HIPK4: variants seen among roughly 807,000 people sequenced by gnomAD.
The protein encoded by HIPK4 is homeodomain interacting protein kinase 4.
A neutral mutation model predicts 44.8 loss-of-function variants in HIPK4; 26 were observed. The ratio of observed to expected loss-of-function variants is 0.58; its 90% CI spans 0.43 to 0.80. The LOEUF (loss-of-function observed/expected upper bound fraction) is 0.80. Among genes scored for constraint, HIPK4 ranks in the 30% least tolerant of loss-of-function variants. HIPK4 has a pLI of 0.00. For missense variants in HIPK4, 729 were observed against 862.6 expected (o/e 0.85, Z 1.94); for synonymous variants, 340 against 355.5 (o/e 0.96, Z 0.49).
At chr19:40,386,137 T>C (rs1374097387) in intron 1 of HIPK4, among the ~76,000 whole-genome samples, 2 of 152,190 alleles carry the variant, frequency 1.3e-5, no homozygotes, top group Non-Finnish European at 2.9e-5. Context: ...TGGTGTGATC[T>C]TGGCTCACTG....
chr19:40,380,289 C>T lies in HIPK4; in HGVS notation c.1668+34G>A, dbSNP rs2079325622. The T allele has an allele frequency of 2.5e-6, 4 of 1,598,788 alleles. No individual in the cohort carries two copies. The highest frequency in any genetic ancestry group is 3.4e-5 in the Admixed American group (2 of 59,452). On this transcript the variant is annotated intron_variant, in intron 3 of 3. Transcript: ENST00000291823. The surrounding 1 kb of genome is among the most constrained non-coding windows in gnomAD (Gnocchi z 4.2). ...GGTGAGTGTGTGCTGAGCCTCCTCC[C>T]ACCCTAATCGTATCCTGAACGCACC...
chr19:40,384,331 C>T (rs2079352943), intron 1 of HIPK4, among the ~76,000 whole-genome samples, 192 bp from the exon 2 acceptor site: 1 of 152,116 alleles, frequency 6.6e-6, no homozygotes, highest in East Asian at 1.9e-4. Context: ...GAGACAGAGT[C>T]TCACTCTTGT....
chr19:40,389,443 C>T lies in HIPK4; in HGVS notation c.460G>A (p.Val154Ile). ...CCTAGACGACCCCTACTCACCTTGA[C>T]CCTGAAGGGGCAGCGGGTCTGGTCC... is the stretch of plus-strand genomic sequence containing the variant. ...LVDQTRCPFRVKVIDFGSASI... is the reference protein window; with the variant it reads ...LVDQTRCPFRIKVIDFGSASI... Residue 154 changes from valine (V) to isoleucine (I), a missense_variant, in exon 1 of 4, where the codon GTC (valine) becomes ATC (isoleucine). By Grantham distance (29) the Val-to-Ile change is conservative. This residue lies in a region of HIPK4 where 196 missense variants were observed against 295.1 expected (regional missense o/e 0.66). Coordinates refer to ENST00000291823, the MANE Select transcript of HIPK4 (RefSeq NM_144685.5). This position sits in a 1 kb window ranked among gnomAD's most constrained non-coding sequence, Gnocchi z 4.6. The T allele has an allele frequency of 6.3e-7, 1 of 1,575,992 alleles. No homozygotes were observed. The highest frequency in any genetic ancestry group is 8.6e-7 in the Non-Finnish European group (1 of 1,157,458).
intron 1 of HIPK4, 69 bp from the exon 2 acceptor site, chr19:40,384,208 G>A (rs1180811176): frequency 1.1e-5 from 14 of 1,254,406 alleles, no homozygotes; most frequent in South Asian, 4.3e-5. Flanking sequence ...GGGCCACCCC[G>A]GCATCTTTCA....
In HIPK4 at chr19:40,380,470, C is replaced by T. The variant is rs2079328095; in HGVS notation, c.1521G>A (p.Leu507=). The change falls in exon 3 of 4, where the codon CTG becomes CTA. Residue 507 remains leucine (L), a synonymous_variant. Transcript: ENST00000291823. This position sits in a 1 kb window ranked among gnomAD's most constrained non-coding sequence, Gnocchi z 4.2. ...TGTCATCCTCAGGCGAGACCTGGCT[C>T]AGCCGAATGAGGTTGCTGAAGTTGG... is the stretch of plus-strand genomic sequence containing the variant. ...SDSNFSNLIR[L]SQVSPEDDRP... The T allele has an allele frequency of 1.2e-6, 2 of 1,613,516 alleles. No homozygotes were observed. The highest frequency in any genetic ancestry group is 1.3e-5 in the African/African-American group (1 of 74,938).
In HIPK4 at chr19:40,384,132, T is replaced by C; in HGVS notation, c.473A>G (p.Asp158Gly). Residue 158 changes from aspartate (D) to glycine (G), a missense_variant, in exon 2 of 4, where the codon GAC (aspartate) becomes GGC (glycine). Asp to Gly is a moderately conservative substitution (Grantham distance 94). Coordinates refer to ENST00000291823, the MANE Select transcript of HIPK4 (RefSeq NM_144685.5). ...GCTGAAAATGCTGGCGGATCCGAAGTCAATCACCTGTCGGGGGTGGGGAAG... is the reference window on the plus strand; with the variant it reads ...GCTGAAAATGCTGGCGGATCCGAAGCCAATCACCTGTCGGGGGTGGGGAAG... ...TRCPFRVKVI[D>G]FGSASIFSEV... 1 of 1,576,848 alleles carries C rather than the reference T, an allele frequency of 6.3e-7. No homozygotes were observed. Among genetic ancestry groups the C allele is most frequent in the Non-Finnish European group, 8.7e-7 (1 of 1,155,870 alleles).
At position 40,380,192 on chromosome 19, in the gene HIPK4, T is replaced by G; in HGVS notation, c.1668+131A>C. 1.6e-6 allele frequency: 2 copies of G among 1,222,102 alleles called. No individual in the cohort carries two copies. The highest frequency in any genetic ancestry group is 2.3e-6 in the Non-Finnish European group (2 of 874,094). The allele number at this position is 1,222,102 out of a possible 1,614,324, so 75.7% of individuals were successfully genotyped here. ...TTAGGTGTGTGCTGAGCCTCCTAAG[T>G]CCCTAATTGTATCCTGAACATGGGT... On this transcript the variant is annotated intron_variant, in intron 3 of 3. Coordinates refer to ENST00000291823, the MANE Select transcript of HIPK4 (RefSeq NM_144685.5). This position sits in a 1 kb window ranked among gnomAD's most constrained non-coding sequence, Gnocchi z 4.2.
chr19:40,387,298 G>A (rs905878055), intron 1 of HIPK4, among the ~76,000 whole-genome samples: 12 of 151,958 alleles, frequency 7.9e-5, no homozygotes, highest in Non-Finnish European at 4.4e-5. Flanking sequence ...GTCCTCTTCT[G>A]TCTTCCTCTT....
chr19:40,388,990 T>C (rs887482856), intron 1 of HIPK4, among the ~76,000 whole-genome samples: 2 of 151,402 alleles, frequency 1.3e-5, no homozygotes, highest in African/African-American at 4.9e-5. Context: ...GAGACCAGCC[T>C]GGCCAACATG....
chr19:40,384,182 C>T, intron 1 of HIPK4, 43 bp from the exon 2 acceptor site: 2 of 1,494,602 alleles, frequency 1.3e-6, no homozygotes, highest in Non-Finnish European at 1.8e-6. Flanking sequence ...GGTCAAGCAG[C>T]AGGGACAGCC....
In HIPK4 at chr19:40,380,409, G is replaced by T. The variant is rs965183164; in HGVS notation, c.1582C>A (p.His528Asn). 4 of 1,614,112 alleles carry T rather than the reference G, an allele frequency of 2.5e-6. No homozygotes were observed. The Admixed American group carries it at 6.7e-5, about 27-fold the overall frequency. Residue 528 changes from histidine to asparagine, a missense_variant, in exon 3 of 4, where the codon CAT (histidine) becomes AAT (asparagine). His to Asn is a moderately conservative substitution (Grantham distance 68). Around this residue, in one of 2 missense-constraint regions of HIPK4, gnomAD observed 533 missense variants for 567.5 expected, o/e 0.94. Transcript: ENST00000291823. The surrounding 1 kb of genome is among the most constrained non-coding windows in gnomAD (Gnocchi z 4.2). ...AGTGGCTCAGCAGAGGCCCCGAGAT[G>T]CTCTCCTTCCTCCCAGCTGCTGCCC... Reference protein sequence around the residue: ...CRGSSWEEGEHLGASAEPLAI... With the variant: ...CRGSSWEEGENLGASAEPLAI...
chr19:40,384,246 G>T, intron 1 of HIPK4, 107 bp from the exon 2 acceptor site: 1 of 806,344 alleles, frequency 1.2e-6, no homozygotes, highest in Non-Finnish European at 2.0e-6. Flanking sequence ...TCTGCTATTT[G>T]ACTCTGGCCA....
chr19:40,381,784 C>CTTTTTTTTTTT lies in HIPK4; in HGVS notation c.823-627_823-617dup, dbSNP rs55780075. 1.5e-4 allele frequency among the ~76,000 whole-genome samples: 11 copies of CTTTTTTTTTTT among 72,326 alleles called. 1 individual carries two copies. The highest frequency in any genetic ancestry group is 2.2e-4 in the African/African-American group (4 of 18,480). The allele number at this position is 72,326 out of a possible 152,430, so 47.4% of individuals were successfully genotyped here. On this transcript the variant is annotated intron_variant, in intron 2 of 3. Transcript: ENST00000291823. ...ACTCACCTGAGGTCTCACTCAGATC[C>CTTTTTTTTTTT]TTTTTTTTTTTTTTTTTTTTTTTTT... is the stretch of plus-strand genomic sequence containing the variant.
Position 40,380,440 on chromosome 19 carries a change from G to T in HIPK4, c.1551C>A (p.Pro517=). The T allele has an allele frequency of 6.2e-7, 1 of 1,614,104 alleles. No individual in the cohort carries two copies. The highest frequency in any genetic ancestry group is 1.7e-5 in the Admixed American group (1 of 60,020). ...CTTCCTCCCAGCTGCTGCCCCGGCA[G>T]GGCCTGTCATCCTCAGGCGAGACCT... ...LSQVSPEDDR[P]CRGSSWEEGE... is the part of the protein sequence containing the mutation. The change falls in exon 3 of 4, where the codon CCC becomes CCA. Residue 517 remains proline (P), a synonymous_variant. Transcript: ENST00000291823. This position sits in a 1 kb window ranked among gnomAD's most constrained non-coding sequence, Gnocchi z 4.2.
chr19:40,386,431 G>A (rs375922454), intron 1 of HIPK4, among the ~76,000 whole-genome samples: 9 of 152,198 alleles, frequency 5.9e-5, no homozygotes, highest in African/African-American at 2.2e-4. Flanking sequence ...GTAGCTCACT[G>A]TAGCCGCGAA....
intron 2 of HIPK4, among the ~76,000 whole-genome samples, chr19:40,381,905 A>G (rs995581842): frequency 6.8e-6 from 1 of 147,708 alleles, no homozygotes; most frequent in Non-Finnish European, 1.5e-5. Flanking sequence ...TCCCAGGTTC[A>G]AGCGATTCTC....
intron 1 of HIPK4, among the ~76,000 whole-genome samples, chr19:40,388,499 G>A (rs2079373316): frequency 6.6e-6 from 1 of 152,168 alleles, no homozygotes; most frequent in African/African-American, 2.4e-5. Flanking sequence ...CCGGCCAGGT[G>A]CTGTGGATCC....
At chr19:40,383,082 T>C (rs1173630933) in intron 2 of HIPK4, among the ~76,000 whole-genome samples, 3 of 16,558 alleles carry the variant, frequency 1.8e-4, no homozygotes. Context: ...CTTTTCTTTC[T>C]TTTTTTTTTT....
chr19:40,383,005 C>T (rs2079344662), intron 2 of HIPK4, among the ~76,000 whole-genome samples: 1 of 150,090 alleles, frequency 6.7e-6, no homozygotes, highest in Non-Finnish European at 1.5e-5. Context: ...TGAGACCGCA[C>T]CACTGCACTC....
Sources: allele counts gnomAD v4.1 joint callset (sites outside exome capture counted in the v4.1 genomes callset), GRCh38; gene constraint gnomAD v4.1.1; regional missense constraint gnomAD v4.1.1; non-coding constraint Gnocchi (gnomAD v3.1); transcripts MANE v1.5; gene names NCBI Gene and HGNC (gene_info 2026-07-23, HGNC 2026-07-21).